Variants in SPOCK1 observed in about 807,000 individuals in gnomAD.
SPOCK1 encodes SPARC (osteonectin), cwcv and kazal like domains proteoglycan 1.
SPOCK1 carries 23 observed loss-of-function variants against 55.3 expected under a neutral mutation model. The observed-to-expected ratio is 0.42, with a 90% CI of 0.30 to 0.59. The LOEUF is 0.59. Among genes scored for constraint, SPOCK1 ranks in the 20% least tolerant of loss-of-function variants. The pLI, the probability that SPOCK1 is intolerant of heterozygous loss-of-function variation, is 0.22. For missense variants in SPOCK1, 499 were observed against 552.5 expected (o/e 0.90, Z 0.97); for synonymous variants, 226 against 221.0 (o/e 1.02, Z -0.20).
At chr5:136,984,858 T>C (rs1176187337) in intron 9 of SPOCK1, among the ~76,000 whole-genome samples, 2 of 152,204 alleles carry the variant, frequency 1.3e-5, no homozygotes, top group African/African-American at 4.8e-5. Context: ...AAAGCCAAGA[T>C]TTGTTTTAGC....
intron 3 of SPOCK1, among the ~76,000 whole-genome samples, chr5:137,226,541 T>C (rs1001247557): frequency 2.6e-5 from 4 of 152,120 alleles, no homozygotes; most frequent in African/African-American, 9.7e-5. Flanking sequence ...CTTCAAACCA[T>C]CCCCTACCTC....
In SPOCK1 at chr5:137,112,543, C is replaced by T. The variant is rs780348599; in HGVS notation, c.366G>A (p.Val122=). The T allele has an allele frequency of 3.7e-6, 6 of 1,613,510 alleles. No individual in the cohort carries two copies. Among genetic ancestry groups the T allele is most frequent in the South Asian group, 1.1e-5 (1 of 91,016 alleles). The change falls in exon 5 of 11, where the codon GTG becomes GTA. Residue 122 remains valine (V), a synonymous_variant. Coordinates refer to ENST00000394945, the MANE Select transcript of SPOCK1 (RefSeq NM_004598.4). ...AAGGTCCAACCCAGTGTTTCTGGGC[C>T]ACGTTCCCCTTCTTTTGCCTAAAGA... ...HLLPRQKKGN[V]AQKHWVGPSN...
intron 3 of SPOCK1, among the ~76,000 whole-genome samples, chr5:137,153,208 G>A (rs569781853): frequency 6.6e-6 from 1 of 152,200 alleles, no homozygotes; most frequent in Admixed American, 6.5e-5. Context: ...TGTGTCTGCT[G>A]TAAAGGACAT....
At chr5:137,088,945 G>A (rs1753007988) in intron 5 of SPOCK1, among the ~76,000 whole-genome samples, 1 of 152,178 alleles carries the variant, frequency 6.6e-6, no homozygotes, top group Admixed American at 6.5e-5. Flanking sequence ...TTTGGTGTCT[G>A]GTCTTGTGAG....
At chr5:137,412,483 A>T (rs1002476785) in intron 2 of SPOCK1, among the ~76,000 whole-genome samples, 12 of 152,232 alleles carry the variant, frequency 7.9e-5, no homozygotes, top group Non-Finnish European at 1.2e-4. Context: ...TGAATGAGAA[A>T]ACAACTGCAT....
At chr5:137,376,130 G>T (rs142275362) in intron 2 of SPOCK1, among the ~76,000 whole-genome samples, 1 of 152,294 alleles carries the variant, frequency 6.6e-6, no homozygotes, top group East Asian at 1.9e-4. Context: ...GTAGACAACC[G>T]CAGGCATGCT....
At chr5:137,036,974 A>T in intron 6 of SPOCK1, among the ~76,000 whole-genome samples, 1 of 152,144 alleles carries the variant, frequency 6.6e-6, no homozygotes, top group East Asian at 1.9e-4. Flanking sequence ...CCTGGGAGAG[A>T]GAGAGAGTGG....
intron 6 of SPOCK1, among the ~76,000 whole-genome samples, chr5:137,066,987 C>CACACACACACACAGAG (rs1343691789): frequency 6.4e-5 from 9 of 139,588 alleles, no homozygotes; most frequent in Non-Finnish European, 9.3e-5. Context: ...CACACACACA[C>CACACACACACACAGAG]AGAGAGAGAG....
intron 6 of SPOCK1, among the ~76,000 whole-genome samples, chr5:137,034,001 T>C (rs913692855): frequency 1.3e-5 from 2 of 152,240 alleles, no homozygotes; most frequent in African/African-American, 4.8e-5. Context: ...GTAAGCTCCA[T>C]GAGAGCAGAA....
intron 3 of SPOCK1, among the ~76,000 whole-genome samples, chr5:137,152,682 A>G (rs2127045205): frequency 6.6e-6 from 1 of 152,244 alleles, no homozygotes; most frequent in African/African-American, 2.4e-5. Context: ...TTTCTTTTAA[A>G]GGAGCCTCAT....
rs574445659 is a variant in SPOCK1 at position 137,055,274 on chromosome 5, T to A, written c.589+12441A>T. Among the ~76,000 whole-genome samples the A allele has an allele frequency of 2.0e-5, 3 of 152,324 alleles. No individual in the cohort carries two copies. The East Asian group carries it at 5.8e-4, about 29-fold the overall frequency. On this transcript the variant is annotated intron_variant, in intron 6 of 10. Coordinates refer to ENST00000394945, the MANE Select transcript of SPOCK1 (RefSeq NM_004598.4). The stretch of plus-strand genomic sequence containing the variant: ...AGGACCTGGGCACAGAACAGGCACT[T>A]AATAAATGCCAGCTGGCTGGATGGA...
At chr5:137,033,589 C>T (rs1357164875) in intron 6 of SPOCK1, among the ~76,000 whole-genome samples, 7 of 152,078 alleles carry the variant, frequency 4.6e-5, no homozygotes, top group Admixed American at 4.6e-4. Context: ...TCTGTCTACC[C>T]CTCTCCCTCA....
chr5:137,379,280 C>T (rs1731863885), intron 2 of SPOCK1, among the ~76,000 whole-genome samples: 2 of 145,296 alleles, frequency 1.4e-5, no homozygotes, highest in South Asian at 4.4e-4. Context: ...AGAATGAAAA[C>T]TTATTCTAGC....
At chr5:137,021,982 C>A (rs1268955451) in intron 6 of SPOCK1, among the ~76,000 whole-genome samples, 1 of 152,100 alleles carries the variant, frequency 6.6e-6, no homozygotes, top group African/African-American at 2.4e-5. Flanking sequence ...TTTATATTTT[C>A]AAAATATGCT....
At chr5:137,015,110 A>G (rs1751426152) in intron 6 of SPOCK1, among the ~76,000 whole-genome samples, 1 of 152,154 alleles carries the variant, frequency 6.6e-6, no homozygotes, top group East Asian at 1.9e-4. Context: ...CATGGTTATC[A>G]CAGTAGTCTT....
At chr5:137,307,305 A>G (rs1757715592) in intron 2 of SPOCK1, among the ~76,000 whole-genome samples, 1 of 152,196 alleles carries the variant, frequency 6.6e-6, no homozygotes. Context: ...TCTAACTACC[A>G]AACATACATA....
chr5:136,989,095 A>G (rs1366357637), intron 7 of SPOCK1, among the ~76,000 whole-genome samples: 1 of 152,214 alleles, frequency 6.6e-6, no homozygotes, highest in African/African-American at 2.4e-5. Flanking sequence ...CATAATCCAG[A>G]AGCACCGCTT....
chr5:137,181,554 GC>G lies in SPOCK1; in HGVS notation c.233-40861del, dbSNP rs1346648520. 2.0e-5 allele frequency among the ~76,000 whole-genome samples: 3 copies of G among 152,324 alleles called. No individual in the cohort carries two copies. The East Asian group carries it at 5.8e-4, about 29-fold the overall frequency. On this transcript the variant is annotated intron_variant, in intron 3 of 10. Coordinates refer to ENST00000394945, the MANE Select transcript of SPOCK1 (RefSeq NM_004598.4). ...CAGTCACAGGGCTGGACTTGGAGGG[GC>G]CCCACGGCCAGTTTCCCAAACCCAG...
chr5:137,204,175 T>A (rs1755479396), intron 3 of SPOCK1, among the ~76,000 whole-genome samples: 1 of 152,240 alleles, frequency 6.6e-6, no homozygotes. Flanking sequence ...TCAATCAATA[T>A]CATGCCTACA....
Sources: gnomAD v4.1 joint callset for allele counts (sites outside exome capture counted in the v4.1 genomes callset) on GRCh38, gnomAD v4.1.1 for gene constraint, MANE v1.5 for transcripts, NCBI Gene and HGNC (gene_info 2026-07-23, HGNC 2026-07-21) for gene names.